Variants in ST18 observed in about 807,000 individuals in gnomAD.
ST18 encodes the protein suppression of tumorigenicity 18 protein.
ST18 carries 50 observed loss-of-function variants against 110.0 expected under a neutral mutation model. That is an observed-to-expected ratio of 0.45 (90% CI 0.36 to 0.58). The LOEUF (loss-of-function observed/expected upper bound fraction) is 0.58. Ranked by LOEUF, ST18 falls within the 20% of genes least tolerant of loss-of-function variation. ST18 has a pLI of 0.00. For missense variants in ST18, 1,306 were observed against 1,280.1 expected, an observed-to-expected ratio of 1.02 and a Z score of -0.31; for synonymous variants, 461 against 452.4, an observed-to-expected ratio of 1.02 and a Z score of -0.24.
chr8:52,141,616 C>T (rs938283106), intron 17 of ST18, among the ~76,000 whole-genome samples: 1 of 150,414 alleles, frequency 6.6e-6, no homozygotes, highest in African/African-American at 2.5e-5. Flanking sequence ...TGGGGAAGCA[C>T]AGTAGCCTGA....
chr8:52,297,712 C>T (rs940557848), intron 2 of ST18, among the ~76,000 whole-genome samples: 3 of 152,118 alleles, frequency 2.0e-5, no homozygotes, highest in Non-Finnish European at 2.9e-5. Flanking sequence ...TAATGTATAA[C>T]TAATTCCCAG....
intron 2 of ST18, among the ~76,000 whole-genome samples, chr8:52,300,697 T>C (rs1206190810): frequency 6.6e-6 from 1 of 152,204 alleles, no homozygotes; most frequent in Non-Finnish European, 1.5e-5. Flanking sequence ...ATAAATTCTA[T>C]AGGAACCCAG....
chr8:52,306,857 C>T (rs569448147), intron 2 of ST18, among the ~76,000 whole-genome samples: 1 of 152,204 alleles, frequency 6.6e-6, no homozygotes, highest in East Asian at 1.9e-4. Flanking sequence ...TGGCAAGAAC[C>T]ACAGTAACTT....
At chr8:52,176,655 C>T (rs1283483195) in intron 9 of ST18, among the ~76,000 whole-genome samples, 1 of 152,146 alleles carries the variant, frequency 6.6e-6, no homozygotes, top group African/African-American at 2.4e-5. Context: ...TATTTATTTA[C>T]GTTAAACCAA....
At chr8:52,397,621 A>G (rs552805226) in intron 2 of ST18, among the ~76,000 whole-genome samples, 39 of 152,156 alleles carry the variant, frequency 2.6e-4, no homozygotes, top group Non-Finnish European at 1.2e-4. Flanking sequence ...CCATTTTGAG[A>G]TTTTTGTATA....
chr8:52,183,270 T>C (rs886573879), intron 8 of ST18, among the ~76,000 whole-genome samples: 4 of 152,148 alleles, frequency 2.6e-5, no homozygotes, highest in African/African-American at 9.7e-5. Context: ...TCATTCAGCC[T>C]GAAGAAGATA....
intron 2 of ST18, among the ~76,000 whole-genome samples, chr8:52,346,431 G>C (rs1211096185): frequency 6.6e-6 from 1 of 152,070 alleles, no homozygotes; most frequent in Non-Finnish European, 1.5e-5. Flanking sequence ...AAGTAGAAAG[G>C]AGGAAATGAC....
chr8:52,205,189 A>AAT (rs895466442), intron 8 of ST18, among the ~76,000 whole-genome samples: 23 of 149,814 alleles, frequency 1.5e-4, no homozygotes, highest in African/African-American at 3.6e-4. Flanking sequence ...TTTATATAAT[A>AAT]ATATATATAT....
intron 2 of ST18, among the ~76,000 whole-genome samples, chr8:52,260,081 G>A (rs1215385402): frequency 6.6e-6 from 1 of 152,082 alleles, no homozygotes; most frequent in Admixed American, 6.5e-5. Context: ...CCAGTGATTC[G>A]CTCCATCAGG....
chr8:52,166,409 G>A (rs1017261275), intron 11 of ST18, among the ~76,000 whole-genome samples: 15 of 152,270 alleles, frequency 9.9e-5, no homozygotes, highest in African/African-American at 3.6e-4. Flanking sequence ...TGCTCCAGAG[G>A]CAGGTACCAG....
At chr8:52,363,094 C>A (rs1293794095) in intron 2 of ST18, among the ~76,000 whole-genome samples, 2 of 152,144 alleles carry the variant, frequency 1.3e-5, no homozygotes, top group Admixed American at 1.3e-4. Flanking sequence ...TGCCTGTAGT[C>A]ACAGCTACTT....
At chr8:52,304,765 T>G (rs1218496310) in intron 2 of ST18, among the ~76,000 whole-genome samples, 1 of 152,208 alleles carries the variant, frequency 6.6e-6, no homozygotes, top group Non-Finnish European at 1.5e-5. Flanking sequence ...GCTCCTGGAA[T>G]AGCCAACGTC....
intron 2 of ST18, among the ~76,000 whole-genome samples, chr8:52,345,171 C>T (rs1817151434): frequency 6.6e-6 from 1 of 152,110 alleles, no homozygotes; most frequent in Admixed American, 6.5e-5. Context: ...ACTATACCCA[C>T]CATGCTGTAC....
chr8:52,225,052 G>A (rs2088756334), intron 3 of ST18, among the ~76,000 whole-genome samples: 1 of 152,120 alleles, frequency 6.6e-6, no homozygotes, highest in African/African-American at 2.4e-5. Context: ...ATAACTTCCG[G>A]TTTTCACTGT....
chr8:52,388,974 A>T (rs533515208), intron 2 of ST18, among the ~76,000 whole-genome samples: 302 of 9,314 alleles, frequency 0.032, 1 homozygote, highest in Admixed American at 0.035. Context: ...ATAATAATTT[A>T]AAAAAAAAAA....
intron 3 of ST18, among the ~76,000 whole-genome samples, chr8:52,222,795 A>C (rs1174682696): frequency 6.6e-6 from 1 of 152,160 alleles, no homozygotes; most frequent in Non-Finnish European, 1.5e-5. Flanking sequence ...TTTGATCTTA[A>C]ATATGTTATG....
chr8:52,314,692 T>C (rs976499601), intron 2 of ST18, among the ~76,000 whole-genome samples: 5 of 152,196 alleles, frequency 3.3e-5, no homozygotes, highest in African/African-American at 1.2e-4. Context: ...GCCTCCATCA[T>C]TCTTCAGGCC....
chr8:52,368,674 A>G (rs1829111369), intron 2 of ST18, among the ~76,000 whole-genome samples: 1 of 152,330 alleles, frequency 6.6e-6, no homozygotes, highest in Non-Finnish European at 1.5e-5. Flanking sequence ...ATCATTCCTT[A>G]CAGTCTTCAG....
chr8:52,186,620 A>G (rs1230605032), intron 8 of ST18, among the ~76,000 whole-genome samples: 1 of 152,204 alleles, frequency 6.6e-6, no homozygotes, highest in Non-Finnish European at 1.5e-5. Context: ...AATAATATTC[A>G]CAGCAGTAGT....
Sources: gnomAD v4.1 joint callset for allele counts (sites outside exome capture counted in the v4.1 genomes callset) on GRCh38, gnomAD v4.1.1 for gene constraint, MANE v1.5 for transcripts, NCBI Gene and HGNC (gene_info 2026-07-23, HGNC 2026-07-21) for gene names.